Variants in TENM3 observed in about 807,000 individuals in gnomAD.
TENM3 encodes teneurin transmembrane protein 3, also known as teneurin-3.
A neutral mutation model predicts 255.1 loss-of-function variants in TENM3; 63 were observed. That is an observed-to-expected ratio of 0.25 (90% confidence interval 0.20 to 0.30). The LOEUF (loss-of-function observed/expected upper bound fraction) is 0.30. TENM3 is among the 10% of genes least tolerant of loss of function. The pLI is 1.00. For synonymous variants in TENM3, 1,306 were observed against 1,322.3 expected (o/e 0.99, Z 0.27); for missense variants, 2,929 against 3,461.1 (o/e 0.85, Z 3.86).
intron 1 of TENM3, among the ~76,000 whole-genome samples, chr4:182,266,089 A>G (rs1187453477): frequency 1.3e-5 from 2 of 152,210 alleles, no homozygotes; most frequent in East Asian, 3.8e-4. Context: ...TGTGCTGGAG[A>G]GTCAGCTCTT....
At chr4:182,547,332 A>C (rs1467012336) in intron 3 of TENM3, among the ~76,000 whole-genome samples, 3 of 152,180 alleles carry the variant, frequency 2.0e-5, no homozygotes, top group Non-Finnish European at 4.4e-5. Context: ...TGCTTTTCAG[A>C]TATTTGAGAA....
chr4:182,111,023 T>A, the TENM3 span, among the ~76,000 whole-genome samples: 1 of 152,276 alleles, frequency 6.6e-6, no homozygotes. Flanking sequence ...ATGTAAGTTT[T>A]TGTAGGTATT....
chr4:182,078,726 C>A, the TENM3 span, among the ~76,000 whole-genome samples: 1 of 151,956 alleles, frequency 6.6e-6, no homozygotes, highest in Non-Finnish European at 1.5e-5. Context: ...AGCAGTGTGG[C>A]CTGAGCTGGG....
At chr4:181,678,035 T>C in the TENM3 span, among the ~76,000 whole-genome samples, 51 of 152,274 alleles carry the variant, frequency 3.3e-4, 1 homozygote, top group East Asian at 5.6e-3. Flanking sequence ...TTTACATTTA[T>C]TTTAGCGATT....
chr4:181,919,073 T>C, the TENM3 span, among the ~76,000 whole-genome samples: 3 of 152,120 alleles, frequency 2.0e-5, no homozygotes, highest in African/African-American at 7.2e-5. Context: ...AAACAGACAT[T>C]GAAGACTGAC....
the TENM3 span, among the ~76,000 whole-genome samples, chr4:181,745,502 G>A: frequency 3.9e-5 from 6 of 152,184 alleles, no homozygotes; most frequent in Admixed American, 3.3e-4. Context: ...GAAAGTGGAT[G>A]ATGCAAGAAA....
chr4:182,081,140 G>T, the TENM3 span, among the ~76,000 whole-genome samples: 9 of 152,118 alleles, frequency 5.9e-5, no homozygotes, highest in East Asian at 1.7e-3. Flanking sequence ...TGAAAAAAAT[G>T]CTTACAAATT....
chr4:182,502,842 G>C (rs1736447998), intron 3 of TENM3, among the ~76,000 whole-genome samples: 1 of 149,154 alleles, frequency 6.7e-6, no homozygotes, highest in Non-Finnish European at 1.5e-5. Context: ...TTAATTTGTA[G>C]CTCTGTGGGC....
At chr4:181,801,690 A>G in the TENM3 span, among the ~76,000 whole-genome samples, 3 of 115,998 alleles carry the variant, frequency 2.6e-5, no homozygotes, top group African/African-American at 9.6e-5. Context: ...ATATATATAT[A>G]TATATATGCA....
intron 3 of TENM3, among the ~76,000 whole-genome samples, chr4:182,390,761 T>C (rs979181709): frequency 3.9e-5 from 6 of 152,222 alleles, no homozygotes; most frequent in African/African-American, 1.4e-4. Context: ...AAGTGACTTT[T>C]TTTCCACAAG....
At chr4:181,458,379 C>T in the TENM3 span, among the ~76,000 whole-genome samples, 2 of 151,882 alleles carry the variant, frequency 1.3e-5, no homozygotes. Flanking sequence ...TCAATATCTG[C>T]CCTAGTAGTC....
chr4:181,769,021 C>T, the TENM3 span, among the ~76,000 whole-genome samples: 1 of 151,802 alleles, frequency 6.6e-6, no homozygotes, highest in Admixed American at 6.6e-5. Context: ...AGATTTTTTT[C>T]TCTTTTAGCA....
intron 6 of TENM3, among the ~76,000 whole-genome samples, chr4:182,663,162 A>G (rs541752242): frequency 1.3e-5 from 2 of 152,328 alleles, no homozygotes; most frequent in Non-Finnish European, 2.9e-5. Context: ...TAGTGTAATA[A>G]CTTGAAGCAA....
the TENM3 span, among the ~76,000 whole-genome samples, chr4:181,605,937 T>C: frequency 3.3e-5 from 5 of 152,186 alleles, no homozygotes; most frequent in African/African-American, 1.2e-4. Flanking sequence ...TAGGTTTGGA[T>C]TTAATTTGGA....
chr4:181,577,768 G>A, the TENM3 span, among the ~76,000 whole-genome samples: 9 of 150,184 alleles, frequency 6.0e-5, no homozygotes, highest in East Asian at 1.7e-3. Context: ...TTTAATACAT[G>A]AGAGTTCTTT....
At chr4:181,696,725 C>T in the TENM3 span, among the ~76,000 whole-genome samples, 23 of 152,286 alleles carry the variant, frequency 1.5e-4, no homozygotes, top group Non-Finnish European at 3.4e-4. Flanking sequence ...TTATGAGTTT[C>T]ATTCTATGTA....
the TENM3 span, among the ~76,000 whole-genome samples, chr4:181,647,436 A>C: frequency 3.9e-5 from 6 of 152,340 alleles, no homozygotes; most frequent in East Asian, 1.2e-3. Context: ...CAATATGTAG[A>C]GTAATATTAG....
At chr4:181,626,912 G>A in the TENM3 span, among the ~76,000 whole-genome samples, 2 of 152,326 alleles carry the variant, frequency 1.3e-5, no homozygotes, top group African/African-American at 4.8e-5. Context: ...AGCAGAACAG[G>A]TCTATTGTAT....
intron 3 of TENM3, among the ~76,000 whole-genome samples, chr4:182,549,987 C>T (rs1380267880): frequency 6.6e-6 from 1 of 152,082 alleles, no homozygotes; most frequent in Non-Finnish European, 1.5e-5. Context: ...AATGGAAATG[C>T]TTTGGCATTA....
Sources: allele counts gnomAD v4.1 joint callset (sites outside exome capture counted in the v4.1 genomes callset), GRCh38; gene constraint gnomAD v4.1.1; transcripts MANE v1.5; gene names NCBI Gene and HGNC (gene_info 2026-07-23, HGNC 2026-07-21).